NCKAP5: variants seen among roughly 807,000 people sequenced by gnomAD.
The protein encoded by NCKAP5 is nck-associated protein 5.
Under a neutral mutation model 167.0 loss-of-function variants are expected in NCKAP5, and 92 were observed. That is an observed-to-expected ratio of 0.55 (90% CI 0.47 to 0.66). The LOEUF is 0.66. Ranked by LOEUF, NCKAP5 falls within the 30% of genes least tolerant of loss-of-function variation. NCKAP5 has a pLI of 0.00. For missense variants in NCKAP5, 2,378 were observed against 2,315.0 expected, an observed-to-expected ratio of 1.03 and a Z score of -0.56; for synonymous variants, 891 against 877.4, an observed-to-expected ratio of 1.02 and a Z score of -0.27.
At chr2:132,776,504 C>T (rs1290556392) in intron 15 of NCKAP5, among the ~76,000 whole-genome samples, 1 of 152,158 alleles carries the variant, frequency 6.6e-6, no homozygotes, top group Middle Eastern at 3.2e-3. Flanking sequence ...TGAACAAGCC[C>T]CCTGGCTCTT....
chr2:133,567,701 T>G (rs371606128), intron 1 of NCKAP5, among the ~76,000 whole-genome samples: 336 of 68,424 alleles, frequency 4.9e-3, no homozygotes, highest in South Asian at 0.012. Context: ...GTGTGTGTGT[T>G]TGGGGAGAGA....
intron 2 of NCKAP5, among the ~76,000 whole-genome samples, chr2:133,551,079 T>G (rs1346501268): frequency 2.7e-5 from 4 of 150,742 alleles, no homozygotes; most frequent in Non-Finnish European, 6.0e-5. Flanking sequence ...AAACCACTGC[T>G]CAAGGAAATA....
In NCKAP5 at chr2:133,490,078, G is replaced by C. The variant is rs78121094; in HGVS notation, c.69+27380C>G. 6.6e-5 allele frequency among the ~76,000 whole-genome samples: 10 copies of C among 152,276 alleles called. No individual in the cohort carries two copies. The East Asian group carries it at 1.9e-3, about 29-fold the overall frequency. On this transcript the variant is annotated intron_variant, in intron 3 of 19. Transcript: ENST00000409261. ...AAGACAGAATCCCAGTTCTACAAATGGTCAGGGAACAACCCTTGGCATCTT... is the reference window on the plus strand; with the variant it reads ...AAGACAGAATCCCAGTTCTACAAATCGTCAGGGAACAACCCTTGGCATCTT...
intron 11 of NCKAP5, among the ~76,000 whole-genome samples, chr2:132,813,713 A>G (rs972649837): frequency 1.4e-4 from 22 of 152,174 alleles, no homozygotes; most frequent in African/African-American, 5.3e-4. Context: ...AAATCAAACT[A>G]TTATCACTTA....
intron 4 of NCKAP5, among the ~76,000 whole-genome samples, chr2:133,231,591 T>C (rs1248471999): frequency 1.3e-5 from 2 of 152,158 alleles, no homozygotes; most frequent in Non-Finnish European, 2.9e-5. Flanking sequence ...ACTTGCTGTA[T>C]AAATAACTCA....
At chr2:133,597,253 C>G in the NCKAP5 span, among the ~76,000 whole-genome samples, 4 of 152,120 alleles carry the variant, frequency 2.6e-5, no homozygotes, top group Non-Finnish European at 5.9e-5. Context: ...TGGACATCTG[C>G]GAAGGCTGGA....
intron 6 of NCKAP5, among the ~76,000 whole-genome samples, chr2:133,091,799 A>C (rs1373364100): frequency 6.6e-6 from 1 of 152,132 alleles, no homozygotes; most frequent in Admixed American, 6.5e-5. Context: ...AGGCAGGAGA[A>C]TGGTGTGAAC....
At chr2:132,995,025 C>T (rs1238404903) in intron 6 of NCKAP5, among the ~76,000 whole-genome samples, 2 of 152,112 alleles carry the variant, frequency 1.3e-5, no homozygotes, top group African/African-American at 4.8e-5. Context: ...GTATAGGCCA[C>T]TTGCCACGAA....
the NCKAP5 span, among the ~76,000 whole-genome samples, chr2:133,584,995 A>AAGGAAGGAAGGAAGGG: frequency 3.3e-5 from 5 of 150,388 alleles, no homozygotes; most frequent in South Asian, 2.1e-4. Flanking sequence ...GGAAGGAAGG[A>AAGGAAGGAAGGAAGGG]GGGAAAGAAA....
chr2:132,674,566 C>G (rs1684178911), intron 19 of NCKAP5, among the ~76,000 whole-genome samples: 2 of 152,176 alleles, frequency 1.3e-5, no homozygotes, highest in African/African-American at 4.8e-5. Flanking sequence ...GCACCATGCT[C>G]CCCACCCCCA....
intron 2 of NCKAP5, among the ~76,000 whole-genome samples, chr2:133,548,375 G>T (rs1272255195): frequency 6.6e-6 from 1 of 151,952 alleles, no homozygotes; most frequent in Non-Finnish European, 1.5e-5. Context: ...GAAATACAGA[G>T]AATGCCACAA....
intron 11 of NCKAP5, among the ~76,000 whole-genome samples, chr2:132,818,521 C>A (rs1686459739): frequency 6.6e-6 from 1 of 152,170 alleles, no homozygotes; most frequent in South Asian, 2.1e-4. Context: ...ACCAAAAACA[C>A]AAAAACAAAA....
At chr2:133,249,934 G>A (rs62179961) in intron 4 of NCKAP5, among the ~76,000 whole-genome samples, 15,693 of 151,598 alleles carry the variant, frequency 0.1, 919 homozygotes, top group South Asian at 0.15. Flanking sequence ...CTGAAGCAAC[G>A]TAAAGAAGGC....
rs533510637 is a variant in NCKAP5, at chr2:133,190,199, T to C, written c.207+23517A>G. ...ATTGCTTCAAAGAGAATAAAATGCC[T>C]AGGAATCCAACTTACAAGGGACATG... is the stretch of plus-strand genomic sequence containing the variant. On this transcript the variant is annotated intron_variant, in intron 5 of 19. Transcript: ENST00000409261. Among the ~76,000 whole-genome samples, 7 of 152,232 alleles carry C rather than the reference T, an allele frequency of 4.6e-5. No individual in the cohort carries two copies. The South Asian group carries it at 1.5e-3, about 32-fold the overall frequency.
intron 3 of NCKAP5, among the ~76,000 whole-genome samples, chr2:133,494,775 G>A (rs1681789467): frequency 6.6e-6 from 1 of 152,158 alleles, no homozygotes; most frequent in Admixed American, 6.5e-5. Flanking sequence ...ATGTCAGAGA[G>A]CAGGCACCAA....
chr2:133,046,861 G>C (rs1044818700), intron 6 of NCKAP5, among the ~76,000 whole-genome samples: 1 of 152,142 alleles, frequency 6.6e-6, no homozygotes, highest in African/African-American at 2.4e-5. Context: ...GAAACATAAG[G>C]GGTCGAGAGA....
chr2:133,048,807 C>A (rs1165031127), intron 6 of NCKAP5, among the ~76,000 whole-genome samples: 1 of 152,154 alleles, frequency 6.6e-6, no homozygotes, highest in African/African-American at 2.4e-5. Flanking sequence ...TTTTAATATA[C>A]ATTGTTTTGG....
intron 4 of NCKAP5, among the ~76,000 whole-genome samples, chr2:133,259,720 C>A (rs1179099589): frequency 2.6e-5 from 4 of 152,146 alleles, no homozygotes; most frequent in South Asian, 2.1e-4. Flanking sequence ...AGGATATATT[C>A]CCTAATCTGA....
At chr2:133,227,832 C>T (rs2086963509) in intron 4 of NCKAP5, among the ~76,000 whole-genome samples, 1 of 152,054 alleles carries the variant, frequency 6.6e-6, no homozygotes, top group Non-Finnish European at 1.5e-5. Context: ...TTGCAAGTAA[C>T]AGAAACAAAC....
Sources: allele counts gnomAD v4.1 joint callset (sites outside exome capture counted in the v4.1 genomes callset), GRCh38; gene constraint gnomAD v4.1.1; transcripts MANE v1.5; gene names NCBI Gene and HGNC (gene_info 2026-07-23, HGNC 2026-07-21).